Variants in TRAK1 observed in about 807,000 individuals in gnomAD.
The protein encoded by TRAK1 is trafficking kinesin-binding protein 1.
Under a neutral mutation model 92.1 loss-of-function variants are expected in TRAK1, and 33 were observed. The observed-to-expected ratio is 0.36, with a 90% CI of 0.27 to 0.48. The LOEUF (loss-of-function observed/expected upper bound fraction) is 0.48. Among genes scored for constraint, TRAK1 ranks in the 20% least tolerant of loss-of-function variants. The probability of loss-of-function intolerance (pLI) is 0.99; values close to 1 mark genes in which losing one functional copy is unlikely to be tolerated. For synonymous variants in TRAK1, 521 were observed against 517.3 expected, an observed-to-expected ratio of 1.01 and a Z score of -0.10; for missense variants, 1,123 against 1,257.9, an observed-to-expected ratio of 0.89 and a Z score of 1.62.
chr3:42,201,984 C>T (rs528442298), intron 12 of TRAK1, among the ~76,000 whole-genome samples: 4 of 151,892 alleles, frequency 2.6e-5, no homozygotes, highest in Admixed American at 1.3e-4. Context: ...TTGATTCTTC[C>T]GGACCAGTTG....
At chr3:42,033,660 G>A (rs1702228334) in intron 1 of TRAK1, among the ~76,000 whole-genome samples, 1 of 152,116 alleles carries the variant, frequency 6.6e-6, no homozygotes, top group African/African-American at 2.4e-5. Flanking sequence ...TTTTCATCTA[G>A]AATAAGACTG....
intron 1 of TRAK1, among the ~76,000 whole-genome samples, chr3:42,103,553 G>A (rs750706807): frequency 2.6e-5 from 4 of 152,146 alleles, no homozygotes; most frequent in Non-Finnish European, 5.9e-5. Context: ...ACCTTGGAGA[G>A]CAGTGGTGGG....
intron 2 of TRAK1, among the ~76,000 whole-genome samples, chr3:42,165,435 C>T (rs779308616): frequency 6.6e-6 from 1 of 152,194 alleles, no homozygotes; most frequent in Non-Finnish European, 1.5e-5. Context: ...CATCTGGTTC[C>T]CAGGCGAAGC....
chr3:42,220,203 C>T (rs539651240), intron 15 of TRAK1, among the ~76,000 whole-genome samples: 3 of 152,250 alleles, frequency 2.0e-5, no homozygotes, highest in South Asian at 2.1e-4. Context: ...CACAGCCAAA[C>T]GGTAATGACC....
intron 6 of TRAK1, among the ~76,000 whole-genome samples, chr3:42,190,118 C>A (rs1440427867): frequency 6.6e-6 from 1 of 152,158 alleles, no homozygotes; most frequent in East Asian, 1.9e-4. Context: ...TCACCTTCAC[C>A]CACTGCCCCT....
At chr3:42,089,675 A>ACC (rs3073728), upstream of TRAK1, among the ~76,000 whole-genome samples, 42,188 of 130,846 alleles carry the variant, frequency 0.32, 6,738 homozygotes, top group South Asian at 0.52. Context: ...GCTTTTTGTG[A>ACC]CCCCCCCCCA....
intron 2 of TRAK1, among the ~76,000 whole-genome samples, chr3:42,153,386 G>T (rs944905473): frequency 1.3e-5 from 2 of 151,976 alleles, no homozygotes; most frequent in African/African-American, 4.8e-5. Context: ...GACAGAGTGA[G>T]ATCCTGTCTT....
At chr3:42,133,213 G>T (rs1445338832) in intron 2 of TRAK1, among the ~76,000 whole-genome samples, 1 of 152,050 alleles carries the variant, frequency 6.6e-6, no homozygotes, top group Non-Finnish European at 1.5e-5. Flanking sequence ...GGTCTTCGGA[G>T]ACTCTGTGAC....
intron 3 of TRAK1, among the ~76,000 whole-genome samples, chr3:42,178,000 C>T (rs748799570): frequency 8.5e-5 from 13 of 152,318 alleles, no homozygotes; most frequent in Non-Finnish European, 1.8e-4. Flanking sequence ...GTGTTAGCCA[C>T]GTGGCAGGCT....
chr3:42,084,291 AATAGAC>A (rs1704569959), upstream of TRAK1, among the ~76,000 whole-genome samples: 1 of 152,128 alleles, frequency 6.6e-6, no homozygotes, highest in South Asian at 2.1e-4. Context: ...ACTTAATTGA[AATAGAC>A]ATACAAAGAA....
At chr3:42,099,963 G>GTGTGGTAA (rs1706507984) in intron 1 of TRAK1, among the ~76,000 whole-genome samples, 2 of 152,068 alleles carry the variant, frequency 1.3e-5, no homozygotes, top group African/African-American at 2.4e-5. Context: ...CTGTCCAGGT[G>GTGTGGTAA]AGGATGCAGC....
intron 9 of TRAK1, among the ~76,000 whole-genome samples, chr3:42,194,329 C>T (rs1039774324): frequency 6.6e-6 from 1 of 151,962 alleles, no homozygotes; most frequent in Non-Finnish European, 1.5e-5. Flanking sequence ...ACCGCAGCCT[C>T]GACCTCTCCA....
At chr3:42,208,897 T>C (rs1351636154) in intron 13 of TRAK1, among the ~76,000 whole-genome samples, 1 of 152,176 alleles carries the variant, frequency 6.6e-6, no homozygotes, top group Non-Finnish European at 1.5e-5. Flanking sequence ...ATACTAAAGG[T>C]TCTGTGATGC....
Position 42,202,375 on chromosome 3 carries a change from G to C in TRAK1, c.1428-61G>C. The C allele has an allele frequency of 2.1e-6, 3 of 1,431,702 alleles. No individual in the cohort carries two copies. Among genetic ancestry groups the C allele is most frequent in the East Asian group, 2.4e-5 (1 of 41,344 alleles). The allele number at this position is 1,431,702 out of a possible 1,614,324, so 88.7% of individuals were successfully genotyped here. A position where few individuals can be genotyped will look rare whatever the true frequency, so the allele number is the denominator to read the frequency against. ...GTCCACCGCTGTGCATTGAGCAGTC[G>C]GGCCTCTGTGGCCTTGGAGCCCTGC... On this transcript the variant is annotated intron_variant, in intron 12 of 15. Transcript: ENST00000327628. This position sits in a 1 kb window ranked among gnomAD's most constrained non-coding sequence, Gnocchi z 6.1.
At chr3:42,191,962 T>G (rs1705820036) in intron 7 of TRAK1, among the ~76,000 whole-genome samples, 1 of 131,820 alleles carries the variant, frequency 7.6e-6, no homozygotes, top group African/African-American at 2.9e-5. Context: ...GTACAGTAGT[T>G]GCGATCTCGG....
At chr3:42,220,379 A>G (rs745815134) in intron 15 of TRAK1, 14 of 673,618 alleles carry the variant, frequency 2.1e-5, no homozygotes, top group Non-Finnish European at 2.6e-5. Context: ...CTAACAGAGT[A>G]GAACGACCCC....
intron 1 of TRAK1, among the ~76,000 whole-genome samples, chr3:42,081,551 A>C (rs1387421694): frequency 6.6e-6 from 1 of 152,190 alleles, no homozygotes; most frequent in Non-Finnish European, 1.5e-5. Context: ...TCAGCCCTGG[A>C]CAAATGGTGG....
chr3:42,115,801 ACTTGGACCTATCC>A (rs951984097), intron 1 of TRAK1, among the ~76,000 whole-genome samples: 14 of 152,162 alleles, frequency 9.2e-5, no homozygotes, highest in African/African-American at 3.4e-4. Context: ...GAAAAGGAAG[ACTTGGACCTATCC>A]CTTGTCCCTT....
At position 42,202,787 on chromosome 3, in the gene TRAK1, C is replaced by T. The variant is rs1364711372; in HGVS notation, c.1744+35C>T. On this transcript the variant is annotated intron_variant, in intron 13 of 15. Transcript: ENST00000327628. The surrounding 1 kb of genome is among the most constrained non-coding windows in gnomAD (Gnocchi z 6.1). ...CGGGGCCTCGGCCCCTCTCTGTCCT[C>T]CTGGGGGACTCCCTTTGGTCCCTGA... 1.1e-5 allele frequency: 18 copies of T among 1,609,092 alleles called. No homozygotes were observed. Among genetic ancestry groups the T allele is most frequent in the Non-Finnish European group, 1.4e-5 (16 of 1,176,396 alleles).
Sources: allele counts gnomAD v4.1 joint callset (sites outside exome capture counted in the v4.1 genomes callset), GRCh38; gene constraint gnomAD v4.1.1; non-coding constraint Gnocchi (gnomAD v3.1); transcripts MANE v1.5; gene names NCBI Gene and HGNC (gene_info 2026-07-23, HGNC 2026-07-21).